The following SOX6 variants were observed in gnomAD, a reference collection of about 807,000 sequenced individuals.
SOX6 encodes the protein SRY-box transcription factor 6, also known as transcription factor SOX-6.
SOX6 carries 11 observed loss-of-function variants against 97.8 expected under a neutral mutation model. The observed-to-expected ratio is 0.11, with a 90% CI of 0.07 to 0.19. The LOEUF is 0.19. Among genes scored for constraint, SOX6 ranks in the 10% least tolerant of loss-of-function variants. The pLI is 1.00. For synonymous variants in SOX6, 360 were observed against 371.4 expected, an observed-to-expected ratio of 0.97 and a Z score of 0.35; for missense variants, 810 against 1,039.5, an observed-to-expected ratio of 0.78 and a Z score of 3.04.
At chr11:16,603,043 GAAAAGCTAACCCTGTCCCACT>G (rs1182099042) in intron 4 of SOX6, among the ~76,000 whole-genome samples, 6 of 151,924 alleles carry the variant, frequency 3.9e-5, no homozygotes, top group African/African-American at 1.5e-4. Context: ...AAAAAAAAAA[GAAAAGCTAACCCTGTCCCACT>G]AAACTTGTGA....
At chr11:16,218,640 C>T (rs1219565856) in intron 4 of SOX6, among the ~76,000 whole-genome samples, 1 of 151,996 alleles carries the variant, frequency 6.6e-6, no homozygotes, top group African/African-American at 2.4e-5. Flanking sequence ...TCTCTCATTA[C>T]TATTATATGA....
intron 6 of SOX6, among the ~76,000 whole-genome samples, chr11:16,126,302 T>G (rs1443244658): frequency 6.6e-6 from 1 of 152,092 alleles, no homozygotes; most frequent in Non-Finnish European, 1.5e-5. Flanking sequence ...TTCCCCCAAA[T>G]GAATGACACA....
intron 1 of SOX6, among the ~76,000 whole-genome samples, chr11:16,453,458 G>T (rs1447677929): frequency 6.6e-6 from 1 of 151,886 alleles, no homozygotes; most frequent in Non-Finnish European, 1.5e-5. Flanking sequence ...AGGAAACAAG[G>T]AATCACAAAC....
rs1486525848 is a variant in SOX6, at chr11:16,046,770, C to G, written c.1436-69G>C. 83 of 1,476,384 alleles carry G rather than the reference C, an allele frequency of 5.6e-5. 2 individuals are homozygous for G. The South Asian group carries it at 6.5e-4, about 12-fold the overall frequency. The allele number at this position is 1,476,384 out of a possible 1,614,324, so 91.5% of individuals were successfully genotyped here. A position where few individuals can be genotyped will look rare whatever the true frequency, so the allele number is the denominator to read the frequency against. On this transcript the variant is annotated intron_variant, in intron 11 of 15. Transcript: ENST00000683767. ...TCCTAAAAAGTACTACTACTATCCCCTCCCCTGTAGAAAGCTGCATTCTCT... is the reference window on the plus strand; with the variant it reads ...TCCTAAAAAGTACTACTACTATCCCGTCCCCTGTAGAAAGCTGCATTCTCT...
chr11:16,702,235 AT>A (rs372621838), intron 3 of SOX6, among the ~76,000 whole-genome samples: 9 of 152,352 alleles, frequency 5.9e-5, no homozygotes, highest in African/African-American at 2.2e-4. Context: ...AGGAGAGGAT[AT>A]AAAGCCGAAT....
At chr11:16,291,487 T>G (rs908498214) in intron 3 of SOX6, among the ~76,000 whole-genome samples, 3 of 151,860 alleles carry the variant, frequency 2.0e-5, no homozygotes, top group African/African-American at 4.8e-5. Context: ...CATTACGTTT[T>G]TTGTTGTTGT....
At chr11:16,033,901 TAGAA>T (rs1371435734) in intron 12 of SOX6, among the ~76,000 whole-genome samples, 6 of 146,420 alleles carry the variant, frequency 4.1e-5, no homozygotes, top group African/African-American at 1.0e-4. Context: ...AATAAATAAA[TAGAA>T]AGAAAGAAAA....
intron 3 of SOX6, among the ~76,000 whole-genome samples, chr11:16,620,254 G>A (rs4756857): frequency 0.09 from 13,702 of 152,106 alleles, 786 homozygotes; most frequent in Non-Finnish European, 0.13. Flanking sequence ...TCCAATGTTT[G>A]TTTCTATTCT....
chr11:16,490,541 C>G (rs1223412680), intron 4 of SOX6, among the ~76,000 whole-genome samples: 1 of 151,266 alleles, frequency 6.6e-6, no homozygotes, highest in Non-Finnish European at 1.5e-5. Context: ...CAAGCACTAA[C>G]CAAAAGAAAA....
intron 1 of SOX6, among the ~76,000 whole-genome samples, chr11:16,417,763 T>G (rs928060220): frequency 6.6e-6 from 1 of 152,224 alleles, no homozygotes; most frequent in Admixed American, 6.5e-5. Context: ...TTAAACCTTA[T>G]GCAGATATTG....
At chr11:16,733,040 C>T (rs1468513662) in intron 2 of SOX6, among the ~76,000 whole-genome samples, 1 of 152,146 alleles carries the variant, frequency 6.6e-6, no homozygotes, top group Non-Finnish European at 1.5e-5. Context: ...TCATCTCACA[C>T]CAGTTAGAAG....
chr11:16,598,261 G>C (rs1170749122), intron 4 of SOX6, among the ~76,000 whole-genome samples: 3 of 151,986 alleles, frequency 2.0e-5, no homozygotes, highest in African/African-American at 7.2e-5. Context: ...TGGATATATT[G>C]GGAGGAGAGG....
At chr11:16,513,699 G>T (rs12276429) in intron 4 of SOX6, among the ~76,000 whole-genome samples, 50 of 152,224 alleles carry the variant, frequency 3.3e-4, no homozygotes, top group African/African-American at 1.1e-3. Context: ...TCCGCACAGA[G>T]TAATGTTGCT....
chr11:15,984,617 C>T (rs944774732), intron 15 of SOX6, among the ~76,000 whole-genome samples: 1 of 152,114 alleles, frequency 6.6e-6, no homozygotes. Flanking sequence ...CCCTTTTTAG[C>T]GTTAAACGCA....
intron 4 of SOX6, among the ~76,000 whole-genome samples, chr11:16,555,936 G>T (rs1012325497): frequency 6.6e-6 from 1 of 151,262 alleles, no homozygotes; most frequent in Non-Finnish European, 1.5e-5. Context: ...TTGACATCTT[G>T]ATTGGAAAAA....
chr11:16,152,224 T>A (rs2134057527), intron 6 of SOX6, among the ~76,000 whole-genome samples: 1 of 152,320 alleles, frequency 6.6e-6, no homozygotes, highest in East Asian at 1.9e-4. Flanking sequence ...GTCACTTTTA[T>A]CCATTTATAG....
intron 3 of SOX6, among the ~76,000 whole-genome samples, chr11:16,295,352 T>G (rs767997019): frequency 1.3e-5 from 2 of 152,096 alleles, no homozygotes; most frequent in Non-Finnish European, 2.9e-5. Context: ...ACAAATACTT[T>G]AGGAAGCTAT....
intron 4 of SOX6, among the ~76,000 whole-genome samples, chr11:16,549,436 C>T (rs1178600263): frequency 6.6e-6 from 1 of 152,106 alleles, no homozygotes. Flanking sequence ...CCCAATATAA[C>T]TAAAATTTTT....
intron 6 of SOX6, among the ~76,000 whole-genome samples, chr11:16,133,338 G>A (rs1425993472): frequency 6.6e-6 from 1 of 152,144 alleles, no homozygotes; most frequent in Non-Finnish European, 1.5e-5. Flanking sequence ...TGCTTTTCAA[G>A]GAATACATTT....
Sources: gnomAD v4.1 joint callset for allele counts (sites outside exome capture counted in the v4.1 genomes callset) on GRCh38, gnomAD v4.1.1 for gene constraint, MANE v1.5 for transcripts, NCBI Gene and HGNC (gene_info 2026-07-23, HGNC 2026-07-21) for gene names.